TMC1: variants seen among roughly 807,000 people sequenced by gnomAD.
The protein encoded by TMC1 is transmembrane channel like 1, also known as transmembrane channel-like protein 1.
TMC1 carries 84 observed loss-of-function variants against 105.8 expected under a neutral mutation model. That is an observed-to-expected ratio of 0.79 (90% CI 0.67 to 0.95). The LOEUF is 0.95. TMC1 is among the 40% of genes least tolerant of loss of function. TMC1 has a pLI of 0.00. For synonymous variants in TMC1, 315 were observed against 311.5 expected, an observed-to-expected ratio of 1.01 and a Z score of -0.12; for missense variants, 817 against 914.1, an observed-to-expected ratio of 0.89 and a Z score of 1.37.
intron 18 of TMC1, among the ~76,000 whole-genome samples, chr9:72,807,778 C>T (rs1346272378): frequency 6.6e-6 from 1 of 152,188 alleles, no homozygotes; most frequent in African/African-American, 2.4e-5. Flanking sequence ...CAAGAGGCTG[C>T]AGAAGGTTCA....
intron 6 of TMC1, among the ~76,000 whole-genome samples, chr9:72,690,771 A>C (rs1032547841): frequency 3.3e-5 from 5 of 152,086 alleles, no homozygotes; most frequent in African/African-American, 1.2e-4. Context: ...GACTTCTGGC[A>C]ATTTAAGTAT....
Position 72,648,586 on chromosome 9 carries a change from T to C in TMC1, c.-52-11T>C. 1 of 1,475,554 alleles carries C rather than the reference T, an allele frequency of 6.8e-7. No homozygotes were observed. Among genetic ancestry groups the C allele is most frequent in the African/African-American group, 1.4e-5 (1 of 72,216 alleles). 91.4% of individuals were successfully genotyped at this position (1,475,554 alleles called of 1,614,324 possible). A position where few individuals can be genotyped will look rare whatever the true frequency, so the allele number is the denominator to read the frequency against. Reference sequence around the variant, plus strand: ...GATCAAACCTGAAATATTTGTTCCTTCATCCTGCAGTCCCTCTCCAAACTA... The same window carrying C: ...GATCAAACCTGAAATATTTGTTCCTCCATCCTGCAGTCCCTCTCCAAACTA... On this transcript the variant is annotated splice_polypyrimidine_tract_variant and intron_variant, in intron 4 of 23. Transcript: ENST00000297784.
At chr9:72,568,727 C>T (rs963486413) in intron 1 of TMC1, among the ~76,000 whole-genome samples, 10 of 152,176 alleles carry the variant, frequency 6.6e-5, no homozygotes, top group Non-Finnish European at 1.5e-4. Context: ...GGCTAGCCTT[C>T]TGATCCAAGA....
intron 5 of TMC1, among the ~76,000 whole-genome samples, chr9:72,675,958 G>A (rs974982870): frequency 1.3e-5 from 2 of 152,258 alleles, no homozygotes; most frequent in African/African-American, 4.8e-5. Flanking sequence ...TATAATTTCT[G>A]TGGCAATGAA....
chr9:72,616,918 T>C (rs1164240802), intron 3 of TMC1, among the ~76,000 whole-genome samples: 2 of 152,160 alleles, frequency 1.3e-5, no homozygotes, highest in Non-Finnish European at 2.9e-5. Context: ...ATTTGAATGT[T>C]GTTTCCTTTG....
At chr9:72,709,010 C>G (rs80289882) in intron 8 of TMC1, among the ~76,000 whole-genome samples, 2 of 142,528 alleles carry the variant, frequency 1.4e-5, no homozygotes, top group East Asian at 4.3e-4. Context: ...ATTTTTTTTT[C>G]GGGGGGGTGG....
intron 1 of TMC1, among the ~76,000 whole-genome samples, chr9:72,547,286 CAAAAAAA>C (rs36012788): frequency 8.7e-6 from 1 of 115,034 alleles, no homozygotes; most frequent in African/African-American, 3.2e-5. Context: ...GACTCCTTCT[CAAAAAAA>C]AAAAAAAAAA....
intron 5 of TMC1, among the ~76,000 whole-genome samples, chr9:72,663,278 G>C (rs1278464135): frequency 6.6e-6 from 1 of 152,126 alleles, no homozygotes; most frequent in African/African-American, 2.4e-5. Context: ...GGACTGGTTG[G>C]TGGGTCCAGG....
At chr9:72,530,388 C>T (rs1050777745) in intron 1 of TMC1, among the ~76,000 whole-genome samples, 1 of 151,974 alleles carries the variant, frequency 6.6e-6, no homozygotes, top group African/African-American at 2.4e-5. Context: ...GTTGCCCAGG[C>T]TGGTCTCAAA....
intron 1 of TMC1, among the ~76,000 whole-genome samples, chr9:72,536,434 G>A (rs558532885): frequency 2.8e-4 from 43 of 152,244 alleles, no homozygotes; most frequent in African/African-American, 9.6e-4. Context: ...CTGGGATCAC[G>A]CCATTCTCCT....
At chr9:72,810,891 A>AC (rs535782859) in intron 18 of TMC1, among the ~76,000 whole-genome samples, 65 of 152,280 alleles carry the variant, frequency 4.3e-4, no homozygotes, top group African/African-American at 1.5e-3. Flanking sequence ...TGGATGTACA[A>AC]ATTATTTTCT....
At chr9:72,652,861 G>C (rs1825834243) in intron 5 of TMC1, among the ~76,000 whole-genome samples, 1 of 152,104 alleles carries the variant, frequency 6.6e-6, no homozygotes, top group Non-Finnish European at 1.5e-5. Context: ...TCTAAACTTT[G>C]AATTGACATA....
At chr9:72,749,014 C>T (rs1279507459) in intron 10 of TMC1, among the ~76,000 whole-genome samples, 2 of 152,194 alleles carry the variant, frequency 1.3e-5, no homozygotes, top group Non-Finnish European at 2.9e-5. Context: ...TGAAGCCACT[C>T]TCAAATCTGA....
At chr9:72,637,630 A>G (rs1588004170) in intron 4 of TMC1, among the ~76,000 whole-genome samples, 1 of 152,258 alleles carries the variant, frequency 6.6e-6, no homozygotes, top group Admixed American at 6.5e-5. Context: ...CCACAAAGAC[A>G]ATCTCATGGA....
At chr9:72,615,645 A>G (rs1825113575) in intron 2 of TMC1, among the ~76,000 whole-genome samples, 1 of 152,158 alleles carries the variant, frequency 6.6e-6, no homozygotes, top group South Asian at 2.1e-4. Flanking sequence ...AAAAAACCAT[A>G]TCCTTCAATC....
intron 2 of TMC1, among the ~76,000 whole-genome samples, chr9:72,580,923 A>G (rs1261445309): frequency 6.6e-6 from 1 of 152,212 alleles, no homozygotes; most frequent in East Asian, 1.9e-4. Context: ...CTGAGATGCT[A>G]GCATGATGCC....
intron 8 of TMC1, among the ~76,000 whole-genome samples, chr9:72,715,671 C>G (rs1468168228): frequency 1.3e-5 from 2 of 152,006 alleles, no homozygotes; most frequent in Admixed American, 1.3e-4. Flanking sequence ...AACCTTTTTT[C>G]AAGGTTCTTA....
At chr9:72,794,698 G>T (rs1461524881) in intron 17 of TMC1, among the ~76,000 whole-genome samples, 2 of 152,110 alleles carry the variant, frequency 1.3e-5, no homozygotes, top group African/African-American at 2.4e-5. Context: ...CAAGAACTCT[G>T]GTAACTCAAA....
chr9:72,813,351 C>G (rs1339362891), intron 18 of TMC1, among the ~76,000 whole-genome samples: 2 of 152,090 alleles, frequency 1.3e-5, no homozygotes, highest in Non-Finnish European at 2.9e-5. Context: ...AGTTTTTCTG[C>G]CTTCTCTTTT....
Sources: allele counts gnomAD v4.1 joint callset (sites outside exome capture counted in the v4.1 genomes callset), GRCh38; gene constraint gnomAD v4.1.1; transcripts MANE v1.5; gene names NCBI Gene and HGNC (gene_info 2026-07-23, HGNC 2026-07-21).